CUL3: variants seen among roughly 807,000 people sequenced by gnomAD.
The protein encoded by CUL3 is cullin 3.
CUL3 carries 19 observed loss-of-function variants against 89.1 expected under a neutral mutation model. The observed-to-expected ratio is 0.21, with a 90% CI of 0.15 to 0.31. CUL3 has a LOEUF of 0.31. Among genes scored for constraint, CUL3 ranks in the 10% least tolerant of loss-of-function variants. The probability of loss-of-function intolerance (pLI) is 1.00; values close to 1 mark genes in which losing one functional copy is unlikely to be tolerated. For synonymous variants in CUL3, 351 were observed against 308.4 expected (o/e 1.14, Z -1.45); for missense variants, 469 against 942.3 (o/e 0.50, Z 6.58).
Position 224,472,419 on chromosome 2 carries a change from A to C in CUL3, c.*1826T>G, listed in dbSNP as rs1691164869. On this transcript the variant is annotated 3_prime_UTR_variant, in exon 16 of 16. Transcript: ENST00000264414. ...TATCATTTAACTGGGAAATGAAAGC[A>C]ATAAAAAAATTCTCAAACATGAACT... 4.9e-6 allele frequency: 1 copy of C among 202,582 alleles called. No homozygotes were observed. The highest frequency in any genetic ancestry group is 1.9e-4 in the South Asian group (1 of 5,264). The allele number at this position is 202,582 out of a possible 1,614,324, so 12.5% of individuals were successfully genotyped here. A position where few individuals can be genotyped will look rare whatever the true frequency, so the allele number is the denominator to read the frequency against.
intron 15 of CUL3, among the ~76,000 whole-genome samples, chr2:224,477,251 T>G (rs1342732111): frequency 6.6e-6 from 1 of 152,202 alleles, no homozygotes; most frequent in Non-Finnish European, 1.5e-5. Context: ...GATTCAATTC[T>G]CAGGCTCTGG....
chr2:224,500,276 C>T, intron 11 of CUL3, 87 bp downstream of exon 11: 1 of 1,453,916 alleles, frequency 6.9e-7, no homozygotes, highest in Non-Finnish European at 9.5e-7. Context: ...TACATTCATC[C>T]TCAATTACGG....
rs560365943 is a variant in CUL3, at chr2:224,510,603, T to A, written c.883+751A>T. Among the ~76,000 whole-genome samples, 198 of 152,296 alleles carry A rather than the reference T, an allele frequency of 1.3e-3. 1 individual carries two copies. Among genetic ancestry groups the A allele is most frequent in the African/African-American group, 4.7e-3 (194 of 41,578 alleles). On this transcript the variant is annotated intron_variant, in intron 6 of 15. Transcript: ENST00000264414. Reference sequence around the variant, plus strand: ...GGAAGCAGGAGAACAAAGTACCATGTTTTTTATTTCCTAATACCATATAAG... The same window carrying A: ...GGAAGCAGGAGAACAAAGTACCATGATTTTTATTTCCTAATACCATATAAG...
intron 2 of CUL3, among the ~76,000 whole-genome samples, chr2:224,544,340 G>GT (rs1208352808): frequency 2.0e-5 from 3 of 152,164 alleles, no homozygotes; most frequent in Non-Finnish European, 4.4e-5. Context: ...TCCAAAACAT[G>GT]TTGCCTGTTT....
chr2:224,564,643 G>C (rs1186887550), intron 1 of CUL3, among the ~76,000 whole-genome samples: 1 of 152,136 alleles, frequency 6.6e-6, no homozygotes, highest in Non-Finnish European at 1.5e-5. Flanking sequence ...TGGGGGTCTT[G>C]GAATAAACAG....
rs998238208 is a variant in CUL3, at chr2:224,474,024, T to C, written c.*221A>G. ...GCACATTCACATTTTCCCGAGGAAC[T>C]GTAAAGATGATCTCTACAGGGATAA... On this transcript the variant is annotated 3_prime_UTR_variant, in exon 16 of 16. Transcript: ENST00000264414. 1.7e-5 allele frequency: 6 copies of C among 358,028 alleles called. No homozygotes were observed. The highest frequency in any genetic ancestry group is 1.3e-4 in the South Asian group (1 of 7,790). 22.2% of individuals were successfully genotyped at this position (358,028 alleles called of 1,614,324 possible). A position where few individuals can be genotyped will look rare whatever the true frequency, so the allele number is the denominator to read the frequency against.
intron 10 of CUL3, 76 bp downstream of exon 10, chr2:224,502,889 G>C: frequency 1.0e-6 from 1 of 989,822 alleles, no homozygotes; most frequent in Non-Finnish European, 1.6e-6. Flanking sequence ...ACTGTCATCT[G>C]CTAAGTGGAT....
intron 2 of CUL3, among the ~76,000 whole-genome samples, chr2:224,552,834 TA>T (rs1342895249): frequency 5.3e-5 from 8 of 152,162 alleles, no homozygotes; most frequent in African/African-American, 1.9e-4. Context: ...CATTGTGAAT[TA>T]AAAACTGATG....
intron 11 of CUL3, among the ~76,000 whole-genome samples, chr2:224,498,952 G>GAAGA (rs1366958830): frequency 6.6e-6 from 1 of 152,186 alleles, no homozygotes; most frequent in African/African-American, 2.4e-5. Flanking sequence ...AATAGCACCA[G>GAAGA]AATGTTCGAG....
chr2:224,488,857 T>A (rs1691843894), intron 13 of CUL3, among the ~76,000 whole-genome samples: 1 of 152,012 alleles, frequency 6.6e-6, no homozygotes, highest in Admixed American at 6.5e-5. Context: ...GATGTGAAAA[T>A]TCTCAATAAA....
chr2:224,579,477 GAAGAA>G (rs951092181), intron 1 of CUL3, among the ~76,000 whole-genome samples: 1 of 148,500 alleles, frequency 6.7e-6, no homozygotes, highest in South Asian at 2.1e-4. Flanking sequence ...TCTGTAGCTC[GAAGAA>G]AAGAAAAAAA....
Position 224,503,799 on chromosome 2 carries a change from T to C in CUL3, c.1230A>G (p.Thr410=), listed in dbSNP as rs755568295. The part of the protein sequence containing the change: ...VKGLTEQEVE[T]ILDKAMVLFR... Reference sequence around the variant, plus strand: ...AAAGGACCATTGCTTTATCCAATATTGTTTCTACTTCTTGTTCTGTTAGCT... The same window carrying C: ...AAAGGACCATTGCTTTATCCAATATCGTTTCTACTTCTTGTTCTGTTAGCT... Residue 410 remains threonine (T), a synonymous_variant, in exon 9 of 16, where the codon ACA becomes ACG. Coordinates refer to ENST00000264414, the MANE Select transcript of CUL3 (RefSeq NM_003590.5). 1.9e-6 allele frequency: 3 copies of C among 1,572,002 alleles called. No homozygotes were observed. The highest frequency in any genetic ancestry group is 2.7e-5 in the African/African-American group (2 of 72,944).
intron 1 of CUL3, 45 bp from the exon 2 acceptor site, chr2:224,557,901 A>C (rs780240323): frequency 5.4e-6 from 6 of 1,113,164 alleles, no homozygotes; most frequent in Non-Finnish European, 7.7e-6. Context: ...AAAAAAAAAA[A>C]AAAACCAATG....
At chr2:224,515,969 C>T (rs962898873) in intron 3 of CUL3, among the ~76,000 whole-genome samples, 15 of 152,184 alleles carry the variant, frequency 9.9e-5, no homozygotes. Flanking sequence ...GGATTACAGG[C>T]GTGAGCCACC....
chr2:224,522,257 T>C (rs867782471), intron 3 of CUL3, among the ~76,000 whole-genome samples: 5 of 151,982 alleles, frequency 3.3e-5, no homozygotes, highest in Admixed American at 3.3e-4. Flanking sequence ...AAGACAGAAA[T>C]AGAAAAATTT....
intron 3 of CUL3, among the ~76,000 whole-genome samples, chr2:224,525,106 ATTATT>A (rs1429872979): frequency 6.6e-6 from 1 of 152,142 alleles, no homozygotes; most frequent in Non-Finnish European, 1.5e-5. Flanking sequence ...TGTATCAGTA[ATTATT>A]TTAAATGTAA....
chr2:224,582,611 A>G (rs1315315565), intron 1 of CUL3, among the ~76,000 whole-genome samples: 4 of 152,242 alleles, frequency 2.6e-5, no homozygotes, highest in Non-Finnish European at 5.9e-5. Flanking sequence ...AAAACCTGCA[A>G]AAGTTATAGA....
chr2:224,480,842 T>C (rs1455332862), intron 14 of CUL3, among the ~76,000 whole-genome samples: 16 of 152,108 alleles, frequency 1.1e-4, no homozygotes, highest in Non-Finnish European at 5.9e-5. Flanking sequence ...GCTAGCACAG[T>C]TTTGTTTTAT....
chr2:224,497,152 T>A (rs1692198739), intron 12 of CUL3, among the ~76,000 whole-genome samples: 2 of 152,132 alleles, frequency 1.3e-5, no homozygotes, highest in Admixed American at 1.3e-4. Flanking sequence ...TAGGTATATT[T>A]CTACAGTTTT....
Sources: gnomAD v4.1 joint callset for allele counts (sites outside exome capture counted in the v4.1 genomes callset) on GRCh38, gnomAD v4.1.1 for gene constraint, MANE v1.5 for transcripts, NCBI Gene and HGNC (gene_info 2026-07-23, HGNC 2026-07-21) for gene names.